Variants in CNKSR2 observed in about 807,000 individuals in gnomAD.
The protein encoded by CNKSR2 is connector enhancer of kinase suppressor of Ras 2.
In CNKSR2, 14 loss-of-function variants were observed where a neutral mutation model predicts 84.4. The observed-to-expected ratio is 0.17, with a 90% CI of 0.11 to 0.26. The LOEUF (loss-of-function observed/expected upper bound fraction) is 0.26. Among genes scored for constraint, CNKSR2 ranks in the 10% least tolerant of loss-of-function variants. The pLI, the probability that CNKSR2 is intolerant of heterozygous loss-of-function variation, is 1.00. For synonymous variants in CNKSR2, 275 were observed against 277.9 expected (o/e 0.99, Z 0.10); for missense variants, 485 against 771.2 (o/e 0.63, Z 4.40).
At position 21,531,978 on chromosome X, in the gene CNKSR2, T is replaced by C; in HGVS notation, c.1214T>C (p.Ile405Thr). ...LDQEYRKRFN[I>T]VEEDTVLYCY... The stretch of plus-strand genomic sequence containing the variant: ...CAGGAATATCGAAAGAGATTTAATA[T>C]TGTCGAAGAAGATACTGTCTTATAT... Residue 405 changes from isoleucine (I) to threonine (T), a missense_variant, in exon 11 of 22, where the codon ATT becomes ACT. Ile to Thr is a moderately conservative substitution (Grantham distance 89). Around this residue, in one of 5 missense-constraint regions of CNKSR2, gnomAD observed 132 missense variants for 166.7 expected, o/e 0.79. Transcript: ENST00000379510. The C allele has an allele frequency of 5.8e-6, 7 of 1,200,804 alleles. No homozygotes were observed. The highest frequency in any genetic ancestry group is 6.8e-6 in the Non-Finnish European group (6 of 886,356).
At chrX:21,413,115 TTGACGACTGCA>T (rs774847938) in intron 1 of CNKSR2, among the ~76,000 whole-genome samples, 1 of 111,272 alleles carries the variant, frequency 9.0e-6, no homozygotes, top group Non-Finnish European at 1.9e-5. Context: ...GTCTCTGAAT[TTGACGACTGCA>T]TGACGACTGC....
chrX:21,379,839 G>A (rs1175643548), intron 1 of CNKSR2, among the ~76,000 whole-genome samples: 1 of 111,769 alleles, frequency 8.9e-6, no homozygotes, highest in Non-Finnish European at 1.9e-5. Context: ...ATTGGAAAGA[G>A]AAGATGATAA....
intron 4 of CNKSR2, among the ~76,000 whole-genome samples, chrX:21,467,325 C>A (rs1399278154): frequency 1.8e-5 from 2 of 111,000 alleles, no homozygotes; most frequent in African/African-American, 6.6e-5. Flanking sequence ...TCAAATGATT[C>A]TTATATATGC....
intron 3 of CNKSR2, 128 bp downstream of exon 3, chrX:21,432,942 T>A: frequency 1.6e-6 from 1 of 639,527 alleles, no homozygotes; most frequent in Non-Finnish European, 2.4e-6. Flanking sequence ...TGTCTAATGA[T>A]GATTTACCAC....
At chrX:21,454,760 G>A (rs1005831883) in intron 4 of CNKSR2, among the ~76,000 whole-genome samples, 1 of 111,823 alleles carries the variant, frequency 8.9e-6, no homozygotes, top group African/African-American at 3.2e-5. Flanking sequence ...ATGTCTAAAG[G>A]TACATCTGTT....
intron 2 of CNKSR2, chrX:21,429,293 A>G (rs1233695342): frequency 8.9e-6 from 1 of 112,021 alleles, no homozygotes; most frequent in Non-Finnish European, 1.9e-5. Context: ...AGCTAAGTAC[A>G]TTTCATGTAT....
chrX:21,415,732 A>T (rs1432363441), intron 1 of CNKSR2, among the ~76,000 whole-genome samples: 3 of 106,238 alleles, frequency 2.8e-5, no homozygotes, highest in Admixed American at 2.0e-4. Context: ...ACATGTATAC[A>T]TATGTAACAA....
chrX:21,569,792 A>AT (rs1420050809), intron 13 of CNKSR2, among the ~76,000 whole-genome samples: 1 of 112,315 alleles, frequency 8.9e-6, no homozygotes, highest in Admixed American at 9.4e-5. Context: ...AATGGCTGAT[A>AT]TATTAGCAAA....
chrX:21,494,743 G>A (rs1411717347), intron 6 of CNKSR2: 1 of 111,873 alleles, frequency 8.9e-6, no homozygotes, highest in Non-Finnish European at 1.9e-5. Context: ...ACCCAGGGCT[G>A]TGCTTTTTAC....
intron 20 of CNKSR2, chrX:21,642,967 C>A: frequency 3.7e-6 from 1 of 268,478 alleles, no homozygotes; most frequent in Non-Finnish European, 5.1e-6. Context: ...ATTTTATTGG[C>A]TTTATTGGTA....
chrX:21,426,110 G>A (rs1041244933), intron 1 of CNKSR2: 3 of 142,036 alleles, frequency 2.1e-5, no homozygotes, highest in African/African-American at 9.5e-5. Flanking sequence ...GCTTTAAATA[G>A]GAAGGATACC....
At chrX:21,617,474 G>A (rs2092582281) in intron 20 of CNKSR2, among the ~76,000 whole-genome samples, 1 of 111,710 alleles carries the variant, frequency 9.0e-6, no homozygotes, top group African/African-American at 3.3e-5. Context: ...TAATTCAAAA[G>A]TAATAACTTG....
intron 4 of CNKSR2, among the ~76,000 whole-genome samples, chrX:21,452,072 A>G (rs1206011619): frequency 9.0e-6 from 1 of 111,220 alleles, no homozygotes; most frequent in Admixed American, 9.5e-5. Flanking sequence ...AATCTAATGA[A>G]TGAATGAATG....
chrX:21,471,700 A>G (rs2091200155), intron 5 of CNKSR2, among the ~76,000 whole-genome samples: 1 of 111,964 alleles, frequency 8.9e-6, no homozygotes, highest in African/African-American at 3.2e-5. Flanking sequence ...GTTATCTGTT[A>G]TAGAAATGAT....
chrX:21,635,408 GTATA>G (rs1199258753), intron 20 of CNKSR2, among the ~76,000 whole-genome samples: 2 of 88,515 alleles, frequency 2.3e-5, no homozygotes, highest in Non-Finnish European at 4.3e-5. Context: ...GTGTGTGTGT[GTATA>G]TATACACATA....
intron 5 of CNKSR2, among the ~76,000 whole-genome samples, chrX:21,473,044 A>G (rs1189131185): frequency 8.9e-6 from 1 of 111,788 alleles, no homozygotes. Flanking sequence ...ATTGACTCAT[A>G]TTGACTTTAT....
intron 1 of CNKSR2, among the ~76,000 whole-genome samples, chrX:21,390,439 G>C (rs910743190): frequency 9.0e-6 from 1 of 111,096 alleles, no homozygotes; most frequent in African/African-American, 3.3e-5. Flanking sequence ...CAATCATGGC[G>C]GAAGGTGAAG....
chrX:21,416,189 A>G (rs1197845696), intron 1 of CNKSR2, among the ~76,000 whole-genome samples: 1 of 112,004 alleles, frequency 8.9e-6, no homozygotes, highest in African/African-American at 3.2e-5. Context: ...TTCAGCATCA[A>G]ATGAAATGAT....
At chrX:21,393,314 G>A (rs2090077014) in intron 1 of CNKSR2, among the ~76,000 whole-genome samples, 2 of 111,989 alleles carry the variant, frequency 1.8e-5, no homozygotes, top group South Asian at 7.4e-4. Flanking sequence ...CTATGCTCAC[G>A]GGAATGAAGG....
Sources: allele counts gnomAD v4.1 joint callset (sites outside exome capture counted in the v4.1 genomes callset), GRCh38; gene constraint gnomAD v4.1.1; regional missense constraint gnomAD v4.1.1; transcripts MANE v1.5; gene names NCBI Gene and HGNC (gene_info 2026-07-23, HGNC 2026-07-21).